Variants in SRSF10 observed in about 807,000 individuals in gnomAD.
SRSF10 encodes the protein serine and arginine rich splicing factor 10, also known as serine/arginine-rich splicing factor 10.
SRSF10 carries 9 observed loss-of-function variants against 32.6 expected under a neutral mutation model. The observed-to-expected ratio is 0.28, with a 90% CI of 0.17 to 0.48. The LOEUF is 0.48. Among genes scored for constraint, SRSF10 ranks in the 20% least tolerant of loss-of-function variants. The probability of loss-of-function intolerance (pLI) is 0.99; values close to 1 mark genes in which losing one functional copy is unlikely to be tolerated. For synonymous variants in SRSF10, 105 were observed against 112.4 expected (o/e 0.93, Z 0.42); for missense variants, 201 against 331.8 (o/e 0.61, Z 3.06).
At chr1:23,971,744 G>A in intron 4 of SRSF10, 106 bp downstream of exon 4, 1 of 1,491,074 alleles carries the variant, frequency 6.7e-7, no homozygotes, top group Non-Finnish European at 9.1e-7. Context: ...TTGTCTCAAT[G>A]AAACATTCAA....
rs1018302322 is a variant in SRSF10 at position 23,965,260 on chromosome 1, A to G, written c.*5882T>C. On this transcript the variant is annotated 3_prime_UTR_variant, in exon 6 of 6. Coordinates refer to ENST00000492112, the MANE Select transcript of SRSF10 (RefSeq NM_054016.4). ...GCCCTCAGATTATTCCTGAGCTATC[A>G]CTCAAGTCACAGATACTTCAGAATA... 11 of 151,996 alleles carry G rather than the reference A, an allele frequency of 7.2e-5. No individual in the cohort carries two copies. The highest frequency in any genetic ancestry group is 6.6e-5 in the Admixed American group (1 of 15,260). 9.4% of individuals were successfully genotyped at this position (151,996 alleles called of 1,614,324 possible).
In SRSF10 at chr1:23,971,151, A is replaced by C. The variant is rs1641732710; in HGVS notation, c.780T>G (p.Ser260Arg). The C allele has an allele frequency of 6.2e-7, 1 of 1,609,124 alleles. No individual in the cohort carries two copies. Among genetic ancestry groups the C allele is most frequent in the Non-Finnish European group, 8.5e-7 (1 of 1,178,232 alleles). Residue 260 changes from serine (S) to arginine (R), a missense_variant, in exon 6 of 6, where the codon AGT becomes AGG. By Grantham distance (110) the Ser-to-Arg change is moderately radical. Around this residue, in one of 3 missense-constraint regions of SRSF10, gnomAD observed 159 missense variants for 196.7 expected, o/e 0.81. Coordinates refer to ENST00000492112, the MANE Select transcript of SRSF10 (RefSeq NM_054016.4). ...ACCATGGTTTATACTATCAGTGGCC[A>C]CTGGACTTAGGACTAGTCCAAGACC... is the stretch of plus-strand genomic sequence containing the variant. Reference protein sequence around the residue: ...RSRSWTSPKSSGH With the variant: ...RSRSWTSPKSRGH
Position 23,969,512 on chromosome 1 carries a change from T to A in SRSF10, c.*1630A>T, listed in dbSNP as rs1641621324. 1.0e-6 allele frequency: 1 copy of A among 985,182 alleles called. No individual in the cohort carries two copies. Among genetic ancestry groups the A allele is most frequent in the Admixed American group, 6.1e-5 (1 of 16,274 alleles). 61.0% of individuals were successfully genotyped at this position (985,182 alleles called of 1,614,324 possible). ...CACAAACAGTATTTAAAATCCATCG[T>A]TGTATTCTTTACAGGCAAAGCCTAG... On this transcript the variant is annotated 3_prime_UTR_variant, in exon 6 of 6. Coordinates refer to ENST00000492112, the MANE Select transcript of SRSF10 (RefSeq NM_054016.4).
chr1:23,979,788 A>G (rs1382807813), intron 1 of SRSF10, among the ~76,000 whole-genome samples: 1 of 102,022 alleles, frequency 9.8e-6, no homozygotes, highest in Non-Finnish European at 2.0e-5. Flanking sequence ...ATTTCATCTC[A>G]CTATTTTTTG....
At position 23,969,395 on chromosome 1, in the gene SRSF10, A is replaced by G; in HGVS notation, c.*1747T>C. The G allele has an allele frequency of 1.0e-6, 1 of 985,784 alleles. No homozygotes were observed. Among genetic ancestry groups the G allele is most frequent in the Non-Finnish European group, 1.2e-6 (1 of 829,818 alleles). 61.1% of individuals were successfully genotyped at this position (985,784 alleles called of 1,614,324 possible). A position where few individuals can be genotyped will look rare whatever the true frequency, so the allele number is the denominator to read the frequency against. Reference sequence around the variant, plus strand: ...TGCATATAAACGATTGCATAGCAGAACATGAACATTAACTGCAAACAGTAA... The same window carrying G: ...TGCATATAAACGATTGCATAGCAGAGCATGAACATTAACTGCAAACAGTAA... On this transcript the variant is annotated 3_prime_UTR_variant, in exon 6 of 6. Transcript: ENST00000492112.
Position 23,970,953 on chromosome 1 carries a change from A to G in SRSF10, c.*189T>C. 3 of 1,326,316 alleles carry G rather than the reference A, an allele frequency of 2.3e-6. No individual in the cohort carries two copies. The highest frequency in any genetic ancestry group is 2.9e-6 in the Non-Finnish European group (3 of 1,040,786). 82.2% of individuals were successfully genotyped at this position (1,326,316 alleles called of 1,614,324 possible). On this transcript the variant is annotated 3_prime_UTR_variant, in exon 6 of 6. Transcript: ENST00000492112. ...CAAATTGGTAGCTGCCCATAACATT[A>G]AACAAACTGGACTCTTAAGAGTGGC...
At chr1:23,980,143 C>T in intron 1 of SRSF10, 48 bp downstream of exon 1, 3 of 1,518,420 alleles carry the variant, frequency 2.0e-6, no homozygotes, top group South Asian at 1.2e-5. Flanking sequence ...CCTCTCCAGG[C>T]GCCTGCGGCC....
At chr1:23,971,734 T>C (rs1277389037) in intron 4 of SRSF10, 108 bp from the exon 5 acceptor site, 4 of 1,501,026 alleles carry the variant, frequency 2.7e-6, no homozygotes, top group Non-Finnish European at 2.7e-6. Flanking sequence ...ACAGTATTTT[T>C]TGTCTCAATG....
chr1:23,967,896 AT>A lies in SRSF10; in HGVS notation c.*3245del, dbSNP rs1472532842. ...GATGTAACTTAACAGCTCATACTCT[AT>A]GTAGCACCTTTCCTCTCTCACTGAA... On this transcript the variant is annotated 3_prime_UTR_variant, in exon 6 of 6. Transcript: ENST00000492112. 5.2e-6 allele frequency: 8 copies of A among 1,548,740 alleles called. No homozygotes were observed. Among genetic ancestry groups the A allele is most frequent in the Non-Finnish European group, 7.0e-6 (8 of 1,146,556 alleles).
intron 2 of SRSF10, chr1:23,977,806 A>T: frequency 1.3e-6 from 1 of 747,836 alleles, no homozygotes; most frequent in Non-Finnish European, 1.6e-6. Context: ...CACATAAATC[A>T]AGTTACAGGT....
intron 3 of SRSF10, 115 bp from the exon 4 acceptor site, chr1:23,972,127 T>TG: frequency 1.1e-6 from 1 of 906,360 alleles, no homozygotes; most frequent in Non-Finnish European, 1.5e-6. Context: ...AGAGTATGTA[T>TG]GACCCGGGTG....
intron 1 of SRSF10, 131 bp downstream of exon 1, chr1:23,980,060 C>G: frequency 9.7e-7 from 1 of 1,036,212 alleles, no homozygotes; most frequent in South Asian, 1.6e-5. Context: ...CCTAGTTCGG[C>G]GCCAAAGCGG....
chr1:23,971,323 G>A lies in SRSF10; in HGVS notation c.608C>T (p.Thr203Ile). 1 of 1,613,176 alleles carries A rather than the reference G, an allele frequency of 6.2e-7. No individual in the cohort carries two copies. The highest frequency in any genetic ancestry group is 8.5e-7 in the Non-Finnish European group (1 of 1,179,892). ...TGTTTTAGAGGTGCCTCTAGTTTTG[G>A]TGTGAGATGCAGACCTAGAACGTGA... The part of the protein sequence containing the change: ...AKSRSRSASH[T>I]KTRGTSKTDS... Residue 203 changes from threonine (T) to isoleucine (I), a missense_variant, in exon 6 of 6, where the codon ACC becomes ATC. Physicochemically the swap from Thr to Ile is moderately conservative, Grantham distance 89. This residue lies in a region of SRSF10 where 159 missense variants were observed against 196.7 expected (regional missense o/e 0.81). Coordinates refer to ENST00000492112, the MANE Select transcript of SRSF10 (RefSeq NM_054016.4).
At chr1:23,978,865 G>A in intron 1 of SRSF10, 48 bp from the exon 2 acceptor site, 1 of 1,511,908 alleles carries the variant, frequency 6.6e-7, no homozygotes, top group Non-Finnish European at 9.0e-7. Context: ...AAGTCCTTAA[G>A]ATGTATAGGC....
In SRSF10 at chr1:23,968,787, T is replaced by A. The variant is rs1041374900; in HGVS notation, c.*2355A>T. Reference sequence around the variant, plus strand: ...ACTGATCCATCCAATAATGAAAATATAAACTTGGAATTAGCTGATCCAAAT... The same window carrying A: ...ACTGATCCATCCAATAATGAAAATAAAAACTTGGAATTAGCTGATCCAAAT... On this transcript the variant is annotated 3_prime_UTR_variant, in exon 6 of 6. Transcript: ENST00000492112. 5.3e-5 allele frequency among the ~76,000 whole-genome samples: 8 copies of A among 152,332 alleles called. No individual in the cohort carries two copies. The South Asian group carries it at 1.0e-3, about 20-fold the overall frequency.
At chr1:23,971,783 T>A in intron 4 of SRSF10, 67 bp downstream of exon 4, 1 of 1,499,754 alleles carries the variant, frequency 6.7e-7, no homozygotes, top group Non-Finnish European at 9.1e-7. Flanking sequence ...TACAAAATAG[T>A]AAAAAAAAAT....
chr1:23,978,206 AACTCT>A (rs1234871840), intron 2 of SRSF10: 1 of 985,234 alleles, frequency 1.0e-6, no homozygotes, highest in Non-Finnish European at 1.2e-6. Context: ...TTAAGTGTTG[AACTCT>A]ACTCTAAAGG....
chr1:23,979,058 T>TTG (rs1553149959), intron 1 of SRSF10: 2 of 51,640 alleles, frequency 3.9e-5, no homozygotes, highest in African/African-American at 8.3e-4. Flanking sequence ...ATAAGCCTTG[T>TTG]TTTTTTTTTT....
chr1:23,974,134 G>A (rs1641939422), intron 3 of SRSF10, among the ~76,000 whole-genome samples: 1 of 152,086 alleles, frequency 6.6e-6, no homozygotes, highest in Non-Finnish European at 1.5e-5. Context: ...TGGGACTACA[G>A]GTGCAGGCCA....
Sources: allele counts gnomAD v4.1 joint callset (sites outside exome capture counted in the v4.1 genomes callset), GRCh38; gene constraint gnomAD v4.1.1; regional missense constraint gnomAD v4.1.1; transcripts MANE v1.5; gene names NCBI Gene and HGNC (gene_info 2026-07-23, HGNC 2026-07-21).